Variants in KCNN2 observed in about 807,000 individuals in gnomAD.
KCNN2 encodes the protein potassium calcium-activated channel subfamily N member 2.
Under a neutral mutation model 55.5 loss-of-function variants are expected in KCNN2, and 24 were observed. That is an observed-to-expected ratio of 0.43 (90% CI 0.31 to 0.61). KCNN2 has a LOEUF of 0.61. Ranked by LOEUF, KCNN2 falls within the 20% of genes least tolerant of loss-of-function variation. The pLI is 0.08. For synonymous variants in KCNN2, 431 were observed against 336.1 expected (o/e 1.28, Z -3.09); for missense variants, 754 against 853.6 (o/e 0.88, Z 1.45).
In KCNN2 at chr5:114,160,568, T is replaced by G. The variant is rs1752749507; in HGVS notation, c.-270-60912T>G. On this transcript the variant is annotated intron_variant, in intron 1 of 10. Coordinates refer to the KCNN2 transcript ENST00000512097. ...AATTCCTGGATATCCTTTTTAACTT[T>G]CTGTCTCGTTGATCTGTCTAATGTT... Among the ~76,000 whole-genome samples, 7 of 152,288 alleles carry G rather than the reference T, an allele frequency of 4.6e-5. No individual in the cohort carries two copies. In the South Asian group the frequency reaches 1.5e-3, roughly 32 times the overall value.
At chr5:114,224,658 G>C (rs1174205358) in intron 2 of KCNN2, among the ~76,000 whole-genome samples, 1 of 152,198 alleles carries the variant, frequency 6.6e-6, no homozygotes, top group Non-Finnish European at 1.5e-5. Flanking sequence ...ATGAATTCAA[G>C]GCAGGTGAGG....
intron 3 of KCNN2, among the ~76,000 whole-genome samples, chr5:114,453,086 A>G (rs1760765003): frequency 6.6e-6 from 1 of 152,180 alleles, no homozygotes; most frequent in African/African-American, 2.4e-5. Context: ...CTTGCCCTAC[A>G]GCCACATGGG....
At chr5:114,271,288 A>G (rs905207932) in intron 2 of KCNN2, among the ~76,000 whole-genome samples, 1 of 152,208 alleles carries the variant, frequency 6.6e-6, no homozygotes, top group Admixed American at 6.5e-5. Flanking sequence ...GATTAGCTAG[A>G]CACAGAGTGC....
chr5:114,377,220 G>A lies in KCNN2; in HGVS notation c.1218+13219G>A, dbSNP rs1350751131. On this transcript the variant is annotated intron_variant, in intron 2 of 7. Coordinates refer to ENST00000673685, the MANE Select transcript of KCNN2 (RefSeq NM_021614.4). ...GTGTACATAACCTCTCCCTTTTTTG[G>A]CCTCCCCAGACTTGTTTTCATTTAG... Among the ~76,000 whole-genome samples, 3 of 151,960 alleles carry A rather than the reference G, an allele frequency of 2.0e-5. No individual in the cohort carries two copies. In the East Asian group the frequency reaches 5.8e-4, roughly 29 times the overall value.
chr5:114,157,596 G>T (rs148884443), intron 1 of KCNN2, among the ~76,000 whole-genome samples: 4,693 of 152,190 alleles, frequency 0.031, 250 homozygotes, highest in African/African-American at 0.11. Flanking sequence ...CTTCCACAAT[G>T]GTTGAACTAG....
intron 5 of KCNN2, among the ~76,000 whole-genome samples, chr5:114,475,600 G>C (rs752107632): frequency 3.3e-5 from 5 of 151,862 alleles, no homozygotes; most frequent in Non-Finnish European, 7.4e-5. Flanking sequence ...AGGATCAAGA[G>C]CTAAAGAATC....
intron 2 of KCNN2, among the ~76,000 whole-genome samples, chr5:114,401,188 A>G (rs547174488): frequency 6.6e-6 from 1 of 152,106 alleles, no homozygotes; most frequent in Non-Finnish European, 1.5e-5. Context: ...CAATTTCAGC[A>G]TTAAAATATA....
At position 114,215,203 on chromosome 5, in the gene KCNN2, A is replaced by G. The variant is rs1753977105; in HGVS notation, c.-270-6277A>G. ...GCCAGCAAGATAGCAGTCATTTAAG[A>G]TTTTATTCCTACTAGAATATAGAGT... On this transcript the variant is annotated intron_variant, in intron 1 of 10. Transcript: ENST00000512097. Among the ~76,000 whole-genome samples, 5 of 152,264 alleles carry G rather than the reference A, an allele frequency of 3.3e-5. No homozygotes were observed. The South Asian group carries it at 1.0e-3, about 32-fold the overall frequency.
chr5:114,408,160 T>G (rs1352195498), intron 3 of KCNN2, among the ~76,000 whole-genome samples: 2 of 151,806 alleles, frequency 1.3e-5, no homozygotes, highest in Admixed American at 6.6e-5. Flanking sequence ...TGCATTCTCA[T>G]GTCAGGTAAG....
intron 1 of KCNN2, among the ~76,000 whole-genome samples, chr5:114,109,387 C>T (rs1314649845): frequency 6.6e-6 from 1 of 152,032 alleles, no homozygotes; most frequent in Non-Finnish European, 1.5e-5. Context: ...TTGCCTTATG[C>T]TCTTGGTTAG....
At chr5:114,209,862 A>T (rs1753844961) in intron 1 of KCNN2, among the ~76,000 whole-genome samples, 1 of 152,152 alleles carries the variant, frequency 6.6e-6, no homozygotes, top group African/African-American at 2.4e-5. Flanking sequence ...AAATACATTC[A>T]TTCCTCATTA....
intron 3 of KCNN2, among the ~76,000 whole-genome samples, chr5:114,420,380 T>G (rs1255972058): frequency 2.0e-5 from 3 of 152,260 alleles, no homozygotes; most frequent in Non-Finnish European, 2.9e-5. Flanking sequence ...TGCTACTGTT[T>G]AGTGGAGTAC....
chr5:114,236,919 G>A (rs1754508083), intron 2 of KCNN2, among the ~76,000 whole-genome samples: 1 of 151,944 alleles, frequency 6.6e-6, no homozygotes, highest in African/African-American at 2.4e-5. Flanking sequence ...ATCATATTTT[G>A]CATGTTACTA....
At chr5:114,189,548 G>C (rs1031069808) in intron 1 of KCNN2, among the ~76,000 whole-genome samples, 1 of 152,140 alleles carries the variant, frequency 6.6e-6, no homozygotes, top group Non-Finnish European at 1.5e-5. Flanking sequence ...TGGGCACCCT[G>C]TTGTCCAATC....
chr5:114,215,969 T>C (rs1753992082), intron 1 of KCNN2, among the ~76,000 whole-genome samples: 1 of 152,126 alleles, frequency 6.6e-6, no homozygotes, highest in African/African-American at 2.4e-5. Context: ...CAAAGTATCC[T>C]CAGGGACAAA....
intron 3 of KCNN2, among the ~76,000 whole-genome samples, chr5:114,405,662 G>A (rs1391886948): frequency 6.6e-6 from 1 of 152,014 alleles, no homozygotes; most frequent in African/African-American, 2.4e-5. Context: ...ATTTCTAGGA[G>A]TGTTGAAAGT....
chr5:114,151,175 G>T (rs558311827), intron 1 of KCNN2, among the ~76,000 whole-genome samples: 282 of 151,790 alleles, frequency 1.9e-3, no homozygotes, highest in Middle Eastern at 3.4e-3. Context: ...GTTACATTTG[G>T]GTAGAGTTGA....
chr5:114,218,480 A>G (rs377292353), intron 1 of KCNN2, among the ~76,000 whole-genome samples: 7 of 152,336 alleles, frequency 4.6e-5, no homozygotes, highest in African/African-American at 1.7e-4. Flanking sequence ...AAACTGAAGA[A>G]TCCATCTTCA....
At chr5:114,372,363 T>A (rs1371194035) in intron 2 of KCNN2, among the ~76,000 whole-genome samples, 1 of 152,048 alleles carries the variant, frequency 6.6e-6, no homozygotes, top group Admixed American at 6.6e-5. Context: ...GTTTGAACTC[T>A]ATGAACTCTA....
Sources: allele counts gnomAD v4.1 joint callset (sites outside exome capture counted in the v4.1 genomes callset), GRCh38; gene constraint gnomAD v4.1.1; transcripts MANE v1.5; gene names NCBI Gene and HGNC (gene_info 2026-07-23, HGNC 2026-07-21).